CAND1: variants seen among roughly 807,000 people sequenced by gnomAD.
The protein encoded by CAND1 is cullin-associated NEDD8-dissociated protein 1.
Under a neutral mutation model 108.5 loss-of-function variants are expected in CAND1, and 7 were observed. That is an observed-to-expected ratio of 0.06 (90% CI 0.04 to 0.12). The LOEUF (loss-of-function observed/expected upper bound fraction) is 0.12, where lower values mean the gene tolerates loss of function less well. CAND1 is among the 10% of genes least tolerant of loss of function. CAND1 has a pLI of 1.00. For missense variants in CAND1, 941 were observed against 1,448.7 expected (o/e 0.65, Z 5.69); for synonymous variants, 534 against 512.0 (o/e 1.04, Z -0.58).
Position 67,301,494 on chromosome 12 carries a change from A to G in CAND1, c.1001-829A>G, listed in dbSNP as rs144776448. On this transcript the variant is annotated intron_variant, in intron 7 of 14. Coordinates refer to ENST00000545606, the MANE Select transcript of CAND1 (RefSeq NM_018448.5). ...CTTTCTGACTTCATATTACCCAACT[A>G]ATTAAACCTGATGGTGTTAGAAAGA... is the stretch of plus-strand genomic sequence containing the variant. Among the ~76,000 whole-genome samples the G allele has an allele frequency of 1.6e-3, 249 of 152,292 alleles. 3 individuals carry two copies. Among genetic ancestry groups the G allele is most frequent in the African/African-American group, 5.8e-3 (241 of 41,582 alleles).
intron 11 of CAND1, among the ~76,000 whole-genome samples, chr12:67,308,118 A>G (rs1057176256): frequency 6.6e-6 from 1 of 152,054 alleles, no homozygotes; most frequent in Non-Finnish European, 1.5e-5. Context: ...AGAGTTTGAT[A>G]ATAGCCAAAA....
intron 1 of CAND1, among the ~76,000 whole-genome samples, chr12:67,276,771 T>A (rs2044573488): frequency 6.6e-6 from 1 of 152,144 alleles, no homozygotes; most frequent in South Asian, 2.1e-4. Flanking sequence ...AACACTGAGG[T>A]TTAGTTATGA....
At chr12:67,270,266 C>T (rs1194842190) in intron 1 of CAND1, 1 of 157,480 alleles carries the variant, frequency 6.4e-6, no homozygotes, top group Non-Finnish European at 1.4e-5. Context: ...CGCAGGTGCG[C>T]GTGGGCCTTG....
At chr12:67,269,866 C>A in intron 1 of CAND1, 81 bp downstream of exon 1, 1 of 1,242,282 alleles carries the variant, frequency 8.0e-7, no homozygotes, top group Non-Finnish European at 1.1e-6. Flanking sequence ...CTTGCCCCAC[C>A]CCTTCGGCCG....
At position 67,269,558 on chromosome 12, in the gene CAND1, C is replaced by A; in HGVS notation, c.-160C>A. On this transcript the variant is annotated 5_prime_UTR_variant, in exon 1 of 15. Transcript: ENST00000545606. ...ACGCCTCGCCAGGGAGGGGGCAGCC[C>A]GTCGAGGCGCCTCCCTAGTCAGCGT... The A allele has an allele frequency of 1.7e-6, 1 of 596,692 alleles. No homozygotes were observed. Among genetic ancestry groups the A allele is most frequent in the East Asian group, 3.2e-5 (1 of 30,908 alleles). 37.0% of individuals were successfully genotyped at this position (596,692 alleles called of 1,614,324 possible).
chr12:67,271,141 A>G (rs151146063), intron 1 of CAND1, among the ~76,000 whole-genome samples: 11 of 152,350 alleles, frequency 7.2e-5, no homozygotes, highest in African/African-American at 2.2e-4. Flanking sequence ...CTTAAAAATC[A>G]TTTCGCTAAT....
chr12:67,288,699 CAA>C (rs1174496742), intron 2 of CAND1, among the ~76,000 whole-genome samples: 2 of 152,060 alleles, frequency 1.3e-5, no homozygotes, highest in African/African-American at 4.8e-5. Context: ...AATTTCTAGC[CAA>C]AGAGTGGAAA....
Position 67,283,789 on chromosome 12 carries a change from G to A in CAND1, c.212+1736G>A, listed in dbSNP as rs1257035166. Among the ~76,000 whole-genome samples, 7 of 151,978 alleles carry A rather than the reference G, an allele frequency of 4.6e-5. No individual in the cohort carries two copies. In the East Asian group the frequency reaches 1.2e-3, roughly 25 times the overall value. On this transcript the variant is annotated intron_variant, in intron 2 of 14. Coordinates refer to ENST00000545606, the MANE Select transcript of CAND1 (RefSeq NM_018448.5). ...TCCCATATTGAGAGTTGGGAGGTACGTACTTCTTAGTCACTTTAGTATGTA... is the reference window on the plus strand; with the variant it reads ...TCCCATATTGAGAGTTGGGAGGTACATACTTCTTAGTCACTTTAGTATGTA...
chr12:67,309,162 A>G (rs746271351), intron 11 of CAND1, among the ~76,000 whole-genome samples: 2 of 152,004 alleles, frequency 1.3e-5, no homozygotes, highest in Non-Finnish European at 2.9e-5. Context: ...GCCTAAAGTA[A>G]CTTGCACAAA....
In CAND1 at chr12:67,305,858, A is replaced by C; in HGVS notation, c.2190A>C (p.Ile730=). 2.5e-6 allele frequency: 4 copies of C among 1,614,182 alleles called. No individual in the cohort carries two copies. Among genetic ancestry groups the C allele is most frequent in the Non-Finnish European group, 3.4e-6 (4 of 1,180,008 alleles). Residue 730 remains isoleucine (I), a synonymous_variant, in exon 10 of 15, where the codon ATA becomes ATC. Coordinates refer to ENST00000545606, the MANE Select transcript of CAND1 (RefSeq NM_018448.5). This position sits in a 1 kb window ranked among gnomAD's most constrained non-coding sequence, Gnocchi z 4.4. ...AKVYPSSLSK[I]SGSILNELIG... ...TATATCCCTCCTCCCTTTCAAAGAT[A>C]AGTGGATCCATTCTCAATGAACTTA...
chr12:67,308,654 C>T (rs996448387), intron 11 of CAND1, among the ~76,000 whole-genome samples: 1 of 151,982 alleles, frequency 6.6e-6, no homozygotes, highest in African/African-American at 2.4e-5. Flanking sequence ...TAGTTCATGA[C>T]ACCATTTTGT....
chr12:67,305,674 G>C lies in CAND1; in HGVS notation c.2006G>C (p.Gly669Ala), dbSNP rs761726085. Residue 669 changes from glycine to alanine, a missense_variant, in exon 10 of 15, where the codon GGT becomes GCT. Gly to Ala is a moderately conservative substitution (Grantham distance 60). Coordinates refer to ENST00000545606, the MANE Select transcript of CAND1 (RefSeq NM_018448.5). This position sits in a 1 kb window ranked among gnomAD's most constrained non-coding sequence, Gnocchi z 4.4. ...AAAAACCAGAGAGCTTTGAAACTGGGTACTCTTTCTGCCCTTGATATTCTA... is the reference window on the plus strand; with the variant it reads ...AAAAACCAGAGAGCTTTGAAACTGGCTACTCTTTCTGCCCTTGATATTCTA... ...LRKNQRALKL[G>A]TLSALDILIK... 1.9e-6 allele frequency: 3 copies of C among 1,614,008 alleles called. No individual in the cohort carries two copies. Among genetic ancestry groups the C allele is most frequent in the South Asian group, 1.1e-5 (1 of 91,070 alleles).
chr12:67,286,723 T>C (rs903525551), intron 2 of CAND1, among the ~76,000 whole-genome samples: 1 of 152,210 alleles, frequency 6.6e-6, no homozygotes, highest in African/African-American at 2.4e-5. Flanking sequence ...TTCTGTGTCC[T>C]AAGAAATCTT....
intron 7 of CAND1, among the ~76,000 whole-genome samples, chr12:67,300,183 A>C (rs546146424): frequency 5.3e-5 from 8 of 152,252 alleles, no homozygotes; most frequent in African/African-American, 1.7e-4. Flanking sequence ...GCCTGGATGT[A>C]GTCCTATCGT....
chr12:67,282,036 G>A lies in CAND1; in HGVS notation c.195G>A (p.Gln65=), dbSNP rs2044624473. 2 of 1,612,014 alleles carry A rather than the reference G, an allele frequency of 1.2e-6. No homozygotes were observed. Among genetic ancestry groups the A allele is most frequent in the Non-Finnish European group, 1.7e-6 (2 of 1,179,410 alleles). The part of the protein sequence containing the change: ...KLLEDKNGEV[Q]NLAVKCLGPL... ...TGGAAGATAAAAATGGAGAGGTACA[G>A]AATTTAGCTGTCAAATGGTAAGTTG... Residue 65 remains glutamine (Q), a synonymous_variant, in exon 2 of 15, where the codon CAG becomes CAA. Transcript: ENST00000545606.
At chr12:67,292,484 T>C in intron 2 of CAND1, 138 bp from the exon 3 acceptor site, 1 of 565,066 alleles carries the variant, frequency 1.8e-6, no homozygotes, top group Non-Finnish European at 2.9e-6. Context: ...ATGTCATTTG[T>C]ATACTATTTA....
At chr12:67,273,111 C>G (rs146283260) in intron 1 of CAND1, among the ~76,000 whole-genome samples, 1 of 152,154 alleles carries the variant, frequency 6.6e-6, no homozygotes, top group Non-Finnish European at 1.5e-5. Context: ...TTACTAGCCT[C>G]GGTTTAGTGA....
At chr12:67,295,734 G>A (rs1193384393) in intron 4 of CAND1, among the ~76,000 whole-genome samples, 1 of 152,068 alleles carries the variant, frequency 6.6e-6, no homozygotes, top group Non-Finnish European at 1.5e-5. Context: ...GTTTTTTGTG[G>A]CAAATTCATG....
At position 67,317,444 on chromosome 12, in the gene CAND1, ATTTCTTT is replaced by A. The variant is rs1455487647; in HGVS notation, c.*4625_*4631del. The A allele has an allele frequency of 8.8e-6, 1 of 114,000 alleles. No homozygotes were observed. Among genetic ancestry groups the A allele is most frequent in the African/African-American group, 3.3e-5 (1 of 30,382 alleles). 7.1% of individuals were successfully genotyped at this position (114,000 alleles called of 1,614,324 possible). A position where few individuals can be genotyped will look rare whatever the true frequency, so the allele number is the denominator to read the frequency against. ...CTCCTTGCCCAGCCACATGTTGTTGATTTCTTTTTTCTTTTTTTTTCTTTCTTAATTT... is the reference window on the plus strand; with the variant it reads ...CTCCTTGCCCAGCCACATGTTGTTGATTTCTTTTTTTTTCTTTCTTAATTT... On this transcript the variant is annotated 3_prime_UTR_variant, in exon 15 of 15. Transcript: ENST00000545606.
Sources: allele counts gnomAD v4.1 joint callset (sites outside exome capture counted in the v4.1 genomes callset), GRCh38; gene constraint gnomAD v4.1.1; non-coding constraint Gnocchi (gnomAD v3.1); transcripts MANE v1.5; gene names NCBI Gene and HGNC (gene_info 2026-07-23, HGNC 2026-07-21).